The following DSCAM variants were observed in gnomAD, a reference collection of about 807,000 sequenced individuals.
DSCAM encodes cell adhesion molecule DSCAM.
In DSCAM, 47 loss-of-function variants were observed where a neutral mutation model predicts 217.7. The ratio of observed to expected loss-of-function variants is 0.22; its 90% CI spans 0.17 to 0.28. The LOEUF (loss-of-function observed/expected upper bound fraction) is 0.28, where lower values mean the gene tolerates loss of function less well. DSCAM is among the 10% of genes least tolerant of loss of function. DSCAM has a pLI of 1.00. For synonymous variants in DSCAM, 1,056 were observed against 1,015.3 expected (o/e 1.04, Z -0.76); for missense variants, 2,080 against 2,618.3 (o/e 0.79, Z 4.49).
At chr21:40,460,059 T>C (rs1486386913) in intron 3 of DSCAM, among the ~76,000 whole-genome samples, 1 of 152,142 alleles carries the variant, frequency 6.6e-6, no homozygotes, top group African/African-American at 2.4e-5. Flanking sequence ...TTCTCACTTA[T>C]AAGTGGGAGC....
chr21:40,443,876 C>A (rs61005733), intron 3 of DSCAM, among the ~76,000 whole-genome samples: 4,204 of 152,206 alleles, frequency 0.028, 164 homozygotes, highest in African/African-American at 0.091. Context: ...GTATTCCTAT[C>A]CACTTTACAA....
At chr21:40,821,137 C>CTTCACAT (rs2091922836) in intron 1 of DSCAM, among the ~76,000 whole-genome samples, 1 of 138,266 alleles carries the variant, frequency 7.2e-6, no homozygotes, top group Admixed American at 7.5e-5. Context: ...TATATCTTCA[C>CTTCACAT]ATATATATAT....
chr21:40,015,553 C>T (rs7277843), intron 32 of DSCAM, among the ~76,000 whole-genome samples: 34,669 of 151,996 alleles, frequency 0.23, 4,310 homozygotes, highest in Middle Eastern at 0.35. Flanking sequence ...CCTCAGCCTC[C>T]AGAGTAGCTA....
At chr21:40,178,295 C>T (rs1352184593) in intron 15 of DSCAM, among the ~76,000 whole-genome samples, 1 of 152,052 alleles carries the variant, frequency 6.6e-6, no homozygotes, top group African/African-American at 2.4e-5. Flanking sequence ...ATTATTTAGC[C>T]AGTTATCACT....
chr21:40,415,854 G>C (rs564982229), intron 3 of DSCAM, among the ~76,000 whole-genome samples: 1 of 152,052 alleles, frequency 6.6e-6, no homozygotes, highest in Non-Finnish European at 1.5e-5. Flanking sequence ...CAACTCTCAG[G>C]ACGGCACCAT....
chr21:40,019,375 C>A (rs2146417380), intron 32 of DSCAM, among the ~76,000 whole-genome samples: 1 of 152,296 alleles, frequency 6.6e-6, no homozygotes, highest in Admixed American at 6.5e-5. Context: ...ACATTGCCTG[C>A]ATTTATCTGA....
intron 3 of DSCAM, among the ~76,000 whole-genome samples, chr21:40,496,801 A>G (rs73362930): frequency 0.019 from 2,863 of 152,250 alleles, 78 homozygotes; most frequent in African/African-American, 0.061. Flanking sequence ...TAGCAAAGAA[A>G]CAAATAGCCT....
intron 3 of DSCAM, among the ~76,000 whole-genome samples, chr21:40,507,337 C>G (rs1303462507): frequency 6.6e-6 from 1 of 152,054 alleles, no homozygotes; most frequent in Non-Finnish European, 1.5e-5. Context: ...ACACCAGTAG[C>G]AGATTTCAGA....
intron 1 of DSCAM, among the ~76,000 whole-genome samples, chr21:40,711,261 C>T (rs1479589565): frequency 6.6e-6 from 1 of 152,182 alleles, no homozygotes; most frequent in Non-Finnish European, 1.5e-5. Context: ...TGAGGGGTTA[C>T]AGGCTCCTGC....
chr21:40,055,335 G>A (rs1191810920), intron 29 of DSCAM, among the ~76,000 whole-genome samples: 1 of 152,122 alleles, frequency 6.6e-6, no homozygotes, highest in Non-Finnish European at 1.5e-5. Flanking sequence ...GTTGATGAGG[G>A]GGGCACGGAG....
intron 4 of DSCAM, 116 bp from the exon 5 acceptor site, chr21:40,353,859 G>A (rs2074662167): frequency 3.3e-6 from 3 of 913,062 alleles, no homozygotes; most frequent in Non-Finnish European, 4.5e-6. Flanking sequence ...TATTGATACA[G>A]ATCTTTAAGA....
chr21:40,163,002 T>C (rs1256968648), intron 16 of DSCAM, among the ~76,000 whole-genome samples: 3 of 152,032 alleles, frequency 2.0e-5, no homozygotes, highest in African/African-American at 7.2e-5. Flanking sequence ...TGGATAAATG[T>C]TTTGAGATGT....
intron 19 of DSCAM, among the ~76,000 whole-genome samples, chr21:40,130,154 GC>G (rs2090140170): frequency 6.6e-6 from 1 of 152,186 alleles, no homozygotes; most frequent in Non-Finnish European, 1.5e-5. Flanking sequence ...ACTAGCTTTT[GC>G]CTTCAGAGTG....
chr21:40,094,970 C>T (rs545157939), intron 20 of DSCAM, among the ~76,000 whole-genome samples: 2 of 152,198 alleles, frequency 1.3e-5, no homozygotes, highest in African/African-American at 2.4e-5. Flanking sequence ...TATGTCACAG[C>T]GATACCATGG....
In DSCAM at chr21:40,503,889, T is replaced by A. The variant is rs188530518; in HGVS notation, c.509-134644A>T. ...ATTCAGGTCTGAATTGGCACTGATTTACAGCCACTGTGAATTGATGGTCAT... is the reference window on the plus strand; with the variant it reads ...ATTCAGGTCTGAATTGGCACTGATTAACAGCCACTGTGAATTGATGGTCAT... On this transcript the variant is annotated intron_variant, in intron 3 of 32. Coordinates refer to ENST00000400454, the MANE Select transcript of DSCAM (RefSeq NM_001389.5). Among the ~76,000 whole-genome samples, 68 of 152,356 alleles carry A rather than the reference T, an allele frequency of 4.5e-4. 1 individual carries two copies. The East Asian group carries it at 0.012, about 28-fold the overall frequency.
chr21:40,814,909 CA>C (rs1327616056), intron 1 of DSCAM, among the ~76,000 whole-genome samples: 1 of 152,170 alleles, frequency 6.6e-6, no homozygotes, highest in African/African-American at 2.4e-5. Context: ...TCATGAAAAA[CA>C]GCAATTAGCG....
In DSCAM at chr21:40,226,275, G is replaced by A. The variant is rs140203262; in HGVS notation, c.2357-37037C>T. Among the ~76,000 whole-genome samples, 470 of 152,230 alleles carry A rather than the reference G, an allele frequency of 3.1e-3. 2 individuals carry two copies. Among genetic ancestry groups the A allele is most frequent in the South Asian group, 5.2e-3 (25 of 4,824 alleles). On this transcript the variant is annotated intron_variant, in intron 11 of 32. Transcript: ENST00000400454. The stretch of plus-strand genomic sequence containing the variant: ...CACAGAAAGTTTGGTGACAATGTGC[G>A]GACACAAATGTGGAACACATAGTTT...
chr21:40,436,294 A>C (rs1035119640), intron 3 of DSCAM, among the ~76,000 whole-genome samples: 3 of 152,220 alleles, frequency 2.0e-5, no homozygotes, highest in African/African-American at 7.2e-5. Context: ...ACAAAGATTA[A>C]TATGGAAAAA....
chr21:40,362,869 CAT>C (rs972801361), intron 4 of DSCAM, among the ~76,000 whole-genome samples: 6 of 152,044 alleles, frequency 3.9e-5, no homozygotes, highest in African/African-American at 9.7e-5. Flanking sequence ...TATACACACA[CAT>C]GTATGTATAA....
Sources: allele counts gnomAD v4.1 joint callset (sites outside exome capture counted in the v4.1 genomes callset), GRCh38; gene constraint gnomAD v4.1.1; transcripts MANE v1.5; gene names NCBI Gene and HGNC (gene_info 2026-07-23, HGNC 2026-07-21).